CA10: variants seen among roughly 807,000 people sequenced by gnomAD.
CA10 encodes the protein carbonic anhydrase 10 (inactive).
CA10 carries 14 observed loss-of-function variants against 44.2 expected under a neutral mutation model. The observed-to-expected ratio is 0.32, with a 90% confidence interval of 0.21 to 0.50. The LOEUF is 0.50. Among genes scored for constraint, CA10 ranks in the 20% least tolerant of loss-of-function variants. The pLI is 0.99. For synonymous variants in CA10, 159 were observed against 141.6 expected (o/e 1.12, Z -0.87); for missense variants, 350 against 409.7 (o/e 0.85, Z 1.26).
At chr17:51,689,312 T>C (rs1915109577) in intron 4 of CA10, among the ~76,000 whole-genome samples, 1 of 152,230 alleles carries the variant, frequency 6.6e-6, no homozygotes, top group South Asian at 2.1e-4. Flanking sequence ...CGAGGCTAAA[T>C]AACTTCATGT....
At chr17:52,044,719 T>A (rs1289522568) in intron 2 of CA10, among the ~76,000 whole-genome samples, 1 of 152,034 alleles carries the variant, frequency 6.6e-6, no homozygotes, top group African/African-American at 2.4e-5. Context: ...AGTAGCAGAT[T>A]AAATACTGCA....
At chr17:51,662,905 C>G (rs1914058607) in intron 4 of CA10, among the ~76,000 whole-genome samples, 1 of 152,154 alleles carries the variant, frequency 6.6e-6, no homozygotes, top group Non-Finnish European at 1.5e-5. Flanking sequence ...TGTTTTTCAT[C>G]AAGTTGTATG....
At chr17:51,992,663 A>G (rs1985083282) in intron 2 of CA10, among the ~76,000 whole-genome samples, 2 of 152,074 alleles carry the variant, frequency 1.3e-5, no homozygotes, top group African/African-American at 4.8e-5. Context: ...CAATCTCTTT[A>G]TTCTTTCAAG....
chr17:51,815,068 G>A (rs1240552809), intron 3 of CA10, among the ~76,000 whole-genome samples: 1 of 152,124 alleles, frequency 6.6e-6, no homozygotes, highest in Non-Finnish European at 1.5e-5. Flanking sequence ...ATTAGGTAAA[G>A]AGACTAAAAC....
chr17:52,070,336 C>CCTCTTCTT (rs61407718), intron 2 of CA10: 14 of 152,244 alleles, frequency 9.2e-5, no homozygotes, highest in African/African-American at 3.4e-4. Context: ...TAATTGTCTC[C>CCTCTTCTT]CTCAAGCAGA....
At chr17:52,077,640 C>CA (rs112746158) in intron 1 of CA10, among the ~76,000 whole-genome samples, 1,463 of 84,852 alleles carry the variant, frequency 0.017, 9 homozygotes, top group African/African-American at 0.04. Context: ...AGCTACTTTA[C>CA]AAAAAAAAAA....
At chr17:51,660,440 C>A (rs1047266840) in intron 4 of CA10, among the ~76,000 whole-genome samples, 2 of 152,218 alleles carry the variant, frequency 1.3e-5, no homozygotes, top group East Asian at 3.8e-4. Context: ...AGACCTGCTG[C>A]AAGCAGGCTT....
intron 2 of CA10, among the ~76,000 whole-genome samples, chr17:51,933,906 C>T (rs987159111): frequency 2.0e-5 from 3 of 152,104 alleles, no homozygotes; most frequent in Admixed American, 6.6e-5. Context: ...CAAAAAGTAC[C>T]CCCGCAAAAA....
chr17:52,005,421 C>A (rs1161481322), intron 2 of CA10, among the ~76,000 whole-genome samples: 1 of 151,912 alleles, frequency 6.6e-6, no homozygotes, highest in Admixed American at 6.6e-5. Context: ...GGTGGGCAGT[C>A]CACCTGGGCT....
chr17:51,958,194 C>T lies in CA10; in HGVS notation c.137-27062G>A, dbSNP rs567736323. ...TAGCATTAGGAATTAGAGTAGTCAA[C>T]AGATAGTGGTAGTAGAATTGCCTCA... On this transcript the variant is annotated intron_variant, in intron 2 of 8. Coordinates refer to ENST00000451037, the MANE Select transcript of CA10 (RefSeq NM_020178.5). Among the ~76,000 whole-genome samples, 4 of 151,534 alleles carry T rather than the reference C, an allele frequency of 2.6e-5. No homozygotes were observed. In the South Asian group the frequency reaches 8.4e-4, roughly 32 times the overall value.
chr17:51,683,064 G>A (rs1362120062), intron 4 of CA10, among the ~76,000 whole-genome samples: 4 of 152,102 alleles, frequency 2.6e-5, no homozygotes, highest in Admixed American at 6.5e-5. Flanking sequence ...TCTAATGATC[G>A]GCTAGATTGG....
intron 2 of CA10, among the ~76,000 whole-genome samples, chr17:51,965,661 C>T (rs1984053941): frequency 6.6e-6 from 1 of 151,936 alleles, no homozygotes; most frequent in South Asian, 2.1e-4. Flanking sequence ...TTCAGCATCT[C>T]TTCATAATAA....
intron 2 of CA10, among the ~76,000 whole-genome samples, chr17:51,975,811 C>G (rs1003811449): frequency 6.5e-5 from 9 of 138,438 alleles, no homozygotes; most frequent in Non-Finnish European, 1.1e-4. Context: ...GCGGAGGTTG[C>G]AGTGAGCTGA....
intron 4 of CA10, among the ~76,000 whole-genome samples, chr17:51,707,924 G>C (rs879860337): frequency 1.6e-4 from 24 of 152,194 alleles, no homozygotes; most frequent in South Asian, 2.1e-4. Flanking sequence ...AGGATGAGCT[G>C]CTGGCAATTC....
At chr17:51,875,406 T>G (rs1226101167) in intron 3 of CA10, among the ~76,000 whole-genome samples, 2 of 152,188 alleles carry the variant, frequency 1.3e-5, no homozygotes, top group East Asian at 3.9e-4. Context: ...CGTGATACAC[T>G]TAACACTTTC....
chr17:51,843,170 A>G (rs922222074), intron 3 of CA10, among the ~76,000 whole-genome samples: 6 of 152,220 alleles, frequency 3.9e-5, no homozygotes, highest in African/African-American at 1.2e-4. Context: ...GTTTTTGAAG[A>G]CAGCGAGGAA....
chr17:52,058,221 G>T (rs985893890), intron 2 of CA10, among the ~76,000 whole-genome samples: 4 of 152,056 alleles, frequency 2.6e-5, no homozygotes, highest in Non-Finnish European at 5.9e-5. Context: ...ACTCAGTAAT[G>T]GTACAATTGA....
rs934517584 is a variant in CA10, at chr17:51,909,483, T to C, written c.279+21507A>G. Among the ~76,000 whole-genome samples, 7 of 152,134 alleles carry C rather than the reference T, an allele frequency of 4.6e-5. No homozygotes were observed. In the East Asian group the frequency reaches 1.3e-3, roughly 29 times the overall value. On this transcript the variant is annotated intron_variant, in intron 3 of 8. Coordinates refer to ENST00000451037, the MANE Select transcript of CA10 (RefSeq NM_020178.5). ...AGTGTCCTCTGCTCTTTTTTCGAGC[T>C]ATTTTGAGACATGGGAAGACACTAA...
chr17:52,127,976 A>G (rs750149684), intron 1 of CA10, among the ~76,000 whole-genome samples: 11 of 152,228 alleles, frequency 7.2e-5, no homozygotes, highest in Admixed American at 1.3e-4. Flanking sequence ...CATCCTCAGA[A>G]TAACTCTGTA....
Sources: gnomAD v4.1 joint callset for allele counts (sites outside exome capture counted in the v4.1 genomes callset) on GRCh38, gnomAD v4.1.1 for gene constraint, MANE v1.5 for transcripts, NCBI Gene and HGNC (gene_info 2026-07-23, HGNC 2026-07-21) for gene names.